SMARCA1: variants seen among roughly 807,000 people sequenced by gnomAD.
The protein encoded by SMARCA1 is SNF2 related chromatin remodeling ATPase 1.
In SMARCA1, 17 loss-of-function variants were observed where a neutral mutation model predicts 93.6. The observed-to-expected ratio is 0.18, with a 90% CI of 0.12 to 0.27. The LOEUF is 0.27. SMARCA1 is among the 10% of genes least tolerant of loss of function. The probability of loss-of-function intolerance (pLI) is 1.00; values close to 1 mark genes in which losing one functional copy is unlikely to be tolerated. For missense variants in SMARCA1, 630 were observed against 819.0 expected, an observed-to-expected ratio of 0.77 and a Z score of 2.82; for synonymous variants, 271 against 271.4, an observed-to-expected ratio of 1.00 and a Z score of 0.01.
intron 24 of SMARCA1, 156 bp downstream of exon 24, chrX:129,448,177 G>C (rs1262321002): frequency 3.9e-6 from 2 of 511,017 alleles, no homozygotes; most frequent in Non-Finnish European, 6.4e-6. Flanking sequence ...AAACATGGTT[G>C]TGAAGCAATT....
At chrX:129,473,291 G>A (rs1306771570) in intron 19 of SMARCA1, among the ~76,000 whole-genome samples, 3 of 111,492 alleles carry the variant, frequency 2.7e-5, no homozygotes, top group Non-Finnish European at 5.6e-5. Context: ...TCATAATCTA[G>A]AAATGACGCA....
At chrX:129,517,752 GTTAAAA>G (rs1221594520) in intron 2 of SMARCA1, among the ~76,000 whole-genome samples, 1 of 110,975 alleles carries the variant, frequency 9.0e-6, no homozygotes, top group African/African-American at 3.3e-5. Context: ...TAAGAGTTTA[GTTAAAA>G]TTAAAGCTAA....
At chrX:129,453,786 A>G (rs1308635550) in intron 23 of SMARCA1, among the ~76,000 whole-genome samples, 1 of 111,740 alleles carries the variant, frequency 8.9e-6, no homozygotes, top group African/African-American at 3.3e-5. Context: ...TCAAGAAAAT[A>G]AGAGAGGACA....
Position 129,516,405 on chromosome X carries a change from T to C in SMARCA1, c.354A>G (p.Thr118=), listed in dbSNP as rs1935204123. Residue 118 remains threonine, a synonymous_variant, in exon 3 of 25, where the codon ACA becomes ACG. Coordinates refer to ENST00000371121, the MANE Select transcript of SMARCA1 (RefSeq NM_001282874.2). The part of the protein sequence containing the change: ...FIQPSAQKSP[T]SPLNMKLGRP... ...GTCCCAATTTCATGTTCAGTGGAGA[T>C]GTTGGAGATTTCTGTGCTGAAGGCT... 4 of 1,207,158 alleles carry C rather than the reference T, an allele frequency of 3.3e-6. No homozygotes were observed. Among genetic ancestry groups the C allele is most frequent in the East Asian group, 5.9e-5 (2 of 33,827 alleles).
chrX:129,492,698 A>C (rs759227816), intron 13 of SMARCA1, among the ~76,000 whole-genome samples: 80 of 111,375 alleles, frequency 7.2e-4, no homozygotes, highest in Non-Finnish European at 1.3e-3. Context: ...TGTTAAAATT[A>C]ATATGAATAT....
chrX:129,468,105 G>A (rs527243051), intron 21 of SMARCA1, among the ~76,000 whole-genome samples: 1 of 112,211 alleles, frequency 8.9e-6, no homozygotes, highest in Non-Finnish European at 1.9e-5. Context: ...CCCATACTTT[G>A]CCCTACACGC....
At chrX:129,499,064 G>T (rs774875681) in intron 10 of SMARCA1, among the ~76,000 whole-genome samples, 73 of 110,525 alleles carry the variant, frequency 6.6e-4, no homozygotes, top group Non-Finnish European at 1.1e-3. Flanking sequence ...TTGAGACACG[G>T]TCTCACTCTG....
At chrX:129,504,571 A>AAC (rs1569446186) in intron 9 of SMARCA1, among the ~76,000 whole-genome samples, 163 bp downstream of exon 9, 2 of 100,702 alleles carry the variant, frequency 2.0e-5, no homozygotes, top group Non-Finnish European at 3.9e-5. Context: ...AAAAAAAAAA[A>AAC]AAAAAAAAAA....
At chrX:129,480,969 T>G (rs1029608366) in intron 18 of SMARCA1, 106 bp downstream of exon 18, 6 of 574,053 alleles carry the variant, frequency 1.0e-5, no homozygotes, top group Non-Finnish European at 1.7e-5. Context: ...TACTGTTATA[T>G]TTTAGAGACT....
At chrX:129,471,819 T>C (rs1933136622) in intron 19 of SMARCA1, among the ~76,000 whole-genome samples, 1 of 110,991 alleles carries the variant, frequency 9.0e-6, no homozygotes, top group South Asian at 3.8e-4. Flanking sequence ...AATGGAAAGT[T>C]TGGAAAAAGT....
Position 129,492,772 on chromosome X carries a change from A to G in SMARCA1, c.1662+268T>C, listed in dbSNP as rs180965651. On this transcript the variant is annotated intron_variant, in intron 13 of 24. Transcript: ENST00000371121. ...AACAAAGTCCAGTAGAAAAATGAGC[A>G]GAAAAAAAGAACAGACAACTCACAG... Among the ~76,000 whole-genome samples the G allele has an allele frequency of 1.5e-3, 164 of 111,864 alleles. 1 individual carries two copies. Among genetic ancestry groups the G allele is most frequent in the African/African-American group, 5.1e-3 (158 of 30,888 alleles).
intron 6 of SMARCA1, among the ~76,000 whole-genome samples, chrX:129,511,137 T>A (rs1311849731): frequency 2.7e-5 from 3 of 111,625 alleles, no homozygotes; most frequent in African/African-American, 9.8e-5. Context: ...AATATATTAT[T>A]TTTAGATTAA....
chrX:129,474,143 CAT>C (rs1208951033), intron 19 of SMARCA1, among the ~76,000 whole-genome samples: 5 of 111,480 alleles, frequency 4.5e-5, no homozygotes, highest in Non-Finnish European at 7.5e-5. Flanking sequence ...AATTGTCAAA[CAT>C]ATGTGGGGTA....
In SMARCA1 at chrX:129,488,412, CA is replaced by C. The variant is rs1421424534; in HGVS notation, c.2097+524del. Among the ~76,000 whole-genome samples the C allele has an allele frequency of 5.1e-4, 55 of 107,310 alleles. 1 individual carries two copies. The highest frequency in any genetic ancestry group is 1.7e-3 in the African/African-American group (49 of 29,535). The allele number at this position is 107,310 out of a possible 115,157, so 93.2% of individuals were successfully genotyped here. ...TCACTTGGGGCCAGAGGTTCAAGAT[CA>C]GTCTGGGCAACACAGCAAGGCCCTG... On this transcript the variant is annotated intron_variant, in intron 16 of 24. Coordinates refer to ENST00000371121, the MANE Select transcript of SMARCA1 (RefSeq NM_001282874.2).
rs1284132357 is a variant in SMARCA1 at position 129,480,821 on chromosome X, G to A, written c.2329-7C>T. 1.9e-6 allele frequency: 2 copies of A among 1,072,399 alleles called. No homozygotes were observed. Among genetic ancestry groups the A allele is most frequent in the East Asian group, 3.2e-5 (1 of 31,387 alleles). 88.4% of individuals were successfully genotyped at this position (1,072,399 alleles called of 1,213,427 possible). On this transcript the variant is annotated splice_polypyrimidine_tract_variant and splice_region_variant and intron_variant, in intron 18 of 24. Coordinates refer to ENST00000371121, the MANE Select transcript of SMARCA1 (RefSeq NM_001282874.2). ...GTTTTGGAGGCCGTGGAGCCTATGA[G>A]GGAGGAAAATGTATTATATATACTT...
chrX:129,518,287 A>G, intron 2 of SMARCA1, 74 bp downstream of exon 2: 1 of 561,277 alleles, frequency 1.8e-6, no homozygotes, highest in Non-Finnish European at 2.9e-6. Context: ...ATATACATGT[A>G]TTTTTTCATC....
chrX:129,458,037 T>C (rs141967951), intron 23 of SMARCA1, among the ~76,000 whole-genome samples: 290 of 112,271 alleles, frequency 2.6e-3, no homozygotes, highest in Middle Eastern at 0.014. Flanking sequence ...TGTTGGTATA[T>C]TGTTTCAATA....
chrX:129,495,859 G>A (rs977112546), intron 12 of SMARCA1, among the ~76,000 whole-genome samples: 2 of 102,968 alleles, frequency 1.9e-5, no homozygotes, highest in East Asian at 3.0e-4. Context: ...TGCAACCTCC[G>A]CCTCCCAGGT....
intron 14 of SMARCA1, among the ~76,000 whole-genome samples, chrX:129,491,284 T>C (rs1008961266): frequency 9.0e-6 from 1 of 111,636 alleles, no homozygotes; most frequent in Non-Finnish European, 1.9e-5. Context: ...CTAAATTATA[T>C]TTCTTTATCT....
Sources: gnomAD v4.1 joint callset for allele counts (sites outside exome capture counted in the v4.1 genomes callset) on GRCh38, gnomAD v4.1.1 for gene constraint, MANE v1.5 for transcripts, NCBI Gene and HGNC (gene_info 2026-07-23, HGNC 2026-07-21) for gene names.